The following SCN10A variants were observed in gnomAD, a reference collection of about 807,000 sequenced individuals.
The protein encoded by SCN10A is sodium channel protein type 10 subunit alpha.
Under a neutral mutation model 170.7 loss-of-function variants are expected in SCN10A, and 162 were observed. The observed-to-expected ratio is 0.95, with a 90% CI of 0.84 to 1.08. The LOEUF (loss-of-function observed/expected upper bound fraction) is 1.08, where lower values mean the gene tolerates loss of function less well. Ranked by LOEUF, SCN10A falls within the 50% of genes least tolerant of loss-of-function variation. The probability of loss-of-function intolerance (pLI) is 0.00; values close to 1 mark genes in which losing one functional copy is unlikely to be tolerated. For missense variants in SCN10A, 2,527 were observed against 2,436.9 expected (o/e 1.04, Z -0.78); for synonymous variants, 985 against 904.6 (o/e 1.09, Z -1.59).
chr3:38,716,372 T>G (rs2063333990), intron 21 of SCN10A, among the ~76,000 whole-genome samples: 1 of 152,108 alleles, frequency 6.6e-6, no homozygotes, highest in Non-Finnish European at 1.5e-5. Flanking sequence ...GTTCTCATGA[T>G]AGTGAATAAG....
rs1575987079 is a variant in SCN10A at position 38,742,297 on chromosome 3, G to A, written c.2100C>T (p.Gly700=). The change falls in exon 14 of 28, where the codon GGC becomes GGT. Residue 700 remains glycine, a synonymous_variant. Transcript: ENST00000449082. ...SPTFEAMLQI[G]NIVFTIFFTA... is the part of the protein sequence containing the mutation. ...TACCAGCCAGAGCACTCACGATGTT[G>A]CCTATCTGGAGCATGGCTTCGAAGG... The A allele has an allele frequency of 6.3e-7, 1 of 1,576,366 alleles. No homozygotes were observed. The highest frequency in any genetic ancestry group is 2.3e-5 in the East Asian group (1 of 42,736).
At chr3:38,728,969 T>A in intron 15 of SCN10A, 68 bp from the exon 16 acceptor site, 1 of 1,523,916 alleles carries the variant, frequency 6.6e-7, no homozygotes, top group East Asian at 2.3e-5. Context: ...AAGTTTTGCC[T>A]GGAAACCAAA....
At chr3:38,767,931 C>T (rs1044480509) in intron 5 of SCN10A, among the ~76,000 whole-genome samples, 3 of 151,972 alleles carry the variant, frequency 2.0e-5, no homozygotes, top group African/African-American at 2.4e-5. Context: ...GTGTTAGGTG[C>T]ATATGTATTT....
intron 26 of SCN10A, among the ~76,000 whole-genome samples, chr3:38,702,475 C>T (rs892196042): frequency 6.6e-6 from 1 of 152,232 alleles, no homozygotes; most frequent in African/African-American, 2.4e-5. Context: ...CACGTGACAA[C>T]ACACTACCCT....
chr3:38,726,900 G>C lies in SCN10A; in HGVS notation c.2793C>G (p.Phe931Leu). Residue 931 changes from phenylalanine to leucine, a missense_variant, in exon 17 of 28, where the codon TTC becomes TTG. Coordinates refer to ENST00000449082, the MANE Select transcript of SCN10A (RefSeq NM_006514.4). ...GHRTKQALCS[F>L]FSRSCPFPQP... ...GGGGGAATGGGCAGGACCTGCTGAAGAAGCTGCAAAGAGCCTGTTTGGTAC... is the reference window on the plus strand; with the variant it reads ...GGGGGAATGGGCAGGACCTGCTGAACAAGCTGCAAAGAGCCTGTTTGGTAC... 6.2e-7 allele frequency: 1 copy of C among 1,614,238 alleles called. No individual in the cohort carries two copies. The highest frequency in any genetic ancestry group is 8.5e-7 in the Non-Finnish European group (1 of 1,180,042).
At chr3:38,750,864 G>C (rs1301831433) in intron 12 of SCN10A, among the ~76,000 whole-genome samples, 1 of 152,226 alleles carries the variant, frequency 6.6e-6, no homozygotes, top group Non-Finnish European at 1.5e-5. Context: ...CATCACAAGA[G>C]AGGCATAAAT....
intron 14 of SCN10A, among the ~76,000 whole-genome samples, chr3:38,741,124 C>G (rs2126013857): frequency 6.6e-6 from 1 of 152,240 alleles, no homozygotes; most frequent in Middle Eastern, 3.4e-3. Flanking sequence ...TCCTCTGGGC[C>G]TTCCCCCTCC....
chr3:38,712,055 T>A, intron 23 of SCN10A, 106 bp downstream of exon 23: 1 of 1,089,706 alleles, frequency 9.2e-7, no homozygotes, highest in East Asian at 2.4e-5. Flanking sequence ...TCACACTGAG[T>A]GCTACTCCTT....
intron 4 of SCN10A, among the ~76,000 whole-genome samples, chr3:38,788,256 A>C (rs1434135095): frequency 6.8e-6 from 1 of 147,748 alleles, no homozygotes; most frequent in Admixed American, 6.8e-5. Context: ...TCTGCAAAGC[A>C]CCTGTTATTA....
intron 5 of SCN10A, among the ~76,000 whole-genome samples, chr3:38,769,239 C>CTTTTTTTTTTT (rs56406440): frequency 2.5e-4 from 28 of 109,946 alleles, no homozygotes; most frequent in African/African-American, 2.8e-4. Flanking sequence ...CTTCTGAATT[C>CTTTTTTTTTTT]TTTTTTTTTT....
chr3:38,714,368 T>A (rs964296346), intron 21 of SCN10A, among the ~76,000 whole-genome samples: 1 of 152,232 alleles, frequency 6.6e-6, no homozygotes, highest in African/African-American at 2.4e-5. Context: ...GTGTATTAAA[T>A]CAACTCTTCC....
chr3:38,787,935 T>A (rs1285910157), intron 4 of SCN10A, among the ~76,000 whole-genome samples: 2 of 151,614 alleles, frequency 1.3e-5, no homozygotes, highest in Admixed American at 6.6e-5. Context: ...TCTGTTCTTG[T>A]GTTAGTTTGC....
intron 5 of SCN10A, among the ~76,000 whole-genome samples, chr3:38,765,369 A>G (rs979703463): frequency 6.6e-6 from 1 of 152,198 alleles, no homozygotes; most frequent in African/African-American, 2.4e-5. Flanking sequence ...CCTTTTATCC[A>G]TCTTGAATTG....
chr3:38,755,096 T>G (rs1304639007), intron 11 of SCN10A, among the ~76,000 whole-genome samples: 1 of 151,862 alleles, frequency 6.6e-6, no homozygotes, highest in Non-Finnish European at 1.5e-5. Flanking sequence ...TGAGGTGAGG[T>G]GCTGAAGCCA....
At chr3:38,796,100 A>C (rs964413883) in intron 1 of SCN10A, among the ~76,000 whole-genome samples, 1 of 147,184 alleles carries the variant, frequency 6.8e-6, no homozygotes, top group Non-Finnish European at 1.5e-5. Flanking sequence ...TCTCCACTTC[A>C]GTGTCTCATG....
chr3:38,733,981 C>T (rs1023264604), intron 15 of SCN10A, among the ~76,000 whole-genome samples: 40 of 151,814 alleles, frequency 2.6e-4, no homozygotes, highest in African/African-American at 9.2e-4. Flanking sequence ...GCGCCTCCAA[C>T]AGTGCTGGGA....
intron 8 of SCN10A, among the ~76,000 whole-genome samples, chr3:38,757,941 A>T (rs2063828062): frequency 6.6e-6 from 1 of 152,190 alleles, no homozygotes; most frequent in African/African-American, 2.4e-5. Flanking sequence ...AGGGAGCGTA[A>T]AGTGCTCTCA....
intron 5 of SCN10A, among the ~76,000 whole-genome samples, chr3:38,767,210 T>C (rs2063942645): frequency 6.6e-6 from 1 of 151,870 alleles, no homozygotes; most frequent in Non-Finnish European, 1.5e-5. Context: ...ATCTTTTGTA[T>C]TATTATTATT....
At position 38,713,957 on chromosome 3, in the gene SCN10A, C is replaced by T. The variant is rs1363445455; in HGVS notation, c.3804+1G>A. On this transcript the variant is annotated splice_donor_variant, in intron 22 of 27. Transcript: ENST00000449082. LOFTEE classifies it high-confidence loss of function. Reference sequence around the variant, plus strand: ...GAGAGAAGTTTTGAGATCAGACTTACCCGCATGCCTTCAAATCGAGAAAGA... The same window carrying T: ...GAGAGAAGTTTTGAGATCAGACTTATCCGCATGCCTTCAAATCGAGAAAGA... 10 of 1,613,088 alleles carry T rather than the reference C, an allele frequency of 6.2e-6. No individual in the cohort carries two copies. Among genetic ancestry groups the T allele is most frequent in the South Asian group, 1.1e-5 (1 of 91,052 alleles).
Sources: allele counts gnomAD v4.1 joint callset (sites outside exome capture counted in the v4.1 genomes callset), GRCh38; gene constraint gnomAD v4.1.1; transcripts MANE v1.5; gene names NCBI Gene and HGNC (gene_info 2026-07-23, HGNC 2026-07-21).